The following TRAPPC13 variants were observed in gnomAD, a reference collection of about 807,000 sequenced individuals.
TRAPPC13 encodes the protein trafficking protein particle complex subunit 13.
Under a neutral mutation model 54.0 loss-of-function variants are expected in TRAPPC13, and 39 were observed. The ratio of observed to expected loss-of-function variants is 0.72; its 90% CI spans 0.56 to 0.94. TRAPPC13 has a LOEUF of 0.94. Ranked by LOEUF, TRAPPC13 falls within the 40% of genes least tolerant of loss-of-function variation. TRAPPC13 has a pLI of 0.00. For missense variants in TRAPPC13, 386 were observed against 488.1 expected, an observed-to-expected ratio of 0.79 and a Z score of 1.97; for synonymous variants, 148 against 167.7, an observed-to-expected ratio of 0.88 and a Z score of 0.91.
intron 1 of TRAPPC13, among the ~76,000 whole-genome samples, chr5:65,632,998 C>T (rs1755604559): frequency 6.6e-6 from 1 of 152,100 alleles, no homozygotes; most frequent in African/African-American, 2.4e-5. Context: ...ACATAAGAGC[C>T]TAGACCTCAT....
At chr5:65,637,017 T>G (rs1214509209) in intron 3 of TRAPPC13, among the ~76,000 whole-genome samples, 2 of 152,196 alleles carry the variant, frequency 1.3e-5, no homozygotes, top group Non-Finnish European at 2.9e-5. Flanking sequence ...GTAACTTAGA[T>G]CTCTTCTAGA....
At chr5:65,629,435 C>T in intron 1 of TRAPPC13, 1 of 1,354,904 alleles carries the variant, frequency 7.4e-7, no homozygotes, top group Non-Finnish European at 9.5e-7. Context: ...GTATCCCTAC[C>T]ATATCTTATT....
chr5:65,642,809 T>C (rs1756019108), intron 4 of TRAPPC13, among the ~76,000 whole-genome samples: 1 of 152,174 alleles, frequency 6.6e-6, no homozygotes, highest in South Asian at 2.1e-4. Context: ...TGCAGTTGCA[T>C]ACCACCACAC....
intron 7 of TRAPPC13, 36 bp downstream of exon 7, chr5:65,652,581 A>G (rs762892564): frequency 2.0e-6 from 3 of 1,478,522 alleles, no homozygotes; most frequent in Non-Finnish European, 2.8e-6. Flanking sequence ...TTCATATTAA[A>G]CATTAAGATC....
chr5:65,625,738 A>C (rs1391303533), intron 1 of TRAPPC13, among the ~76,000 whole-genome samples: 1 of 151,950 alleles, frequency 6.6e-6, no homozygotes, highest in Non-Finnish European at 1.5e-5. Context: ...CAATTTTTTT[A>C]ATGCCTATTT....
chr5:65,643,521 T>C (rs566399227), intron 4 of TRAPPC13, among the ~76,000 whole-genome samples: 10 of 152,222 alleles, frequency 6.6e-5, no homozygotes, highest in African/African-American at 1.9e-4. Context: ...TTTTGCTTTA[T>C]AAAGACTGCT....
chr5:65,636,280 AT>A (rs1755747351), intron 3 of TRAPPC13, among the ~76,000 whole-genome samples: 1 of 151,650 alleles, frequency 6.6e-6, no homozygotes, highest in East Asian at 1.9e-4. Context: ...AGTAGCTGGG[AT>A]TACAGGCGTG....
At chr5:65,634,233 C>T (rs1419641504) in intron 1 of TRAPPC13, among the ~76,000 whole-genome samples, 1 of 152,126 alleles carries the variant, frequency 6.6e-6, no homozygotes, top group Non-Finnish European at 1.5e-5. Flanking sequence ...GATCCGCCCG[C>T]CTTGGCCTCC....
chr5:65,659,199 A>G (rs980681345), intron 9 of TRAPPC13, among the ~76,000 whole-genome samples: 1 of 152,174 alleles, frequency 6.6e-6, no homozygotes, highest in African/African-American at 2.4e-5. Context: ...CCCAGGCTGA[A>G]GTCAAATTTC....
chr5:65,655,538 T>TA, intron 7 of TRAPPC13, 98 bp from the exon 8 acceptor site: 2 of 381,824 alleles, frequency 5.2e-6, no homozygotes, highest in South Asian at 9.7e-5. Context: ...TTTAGTAATT[T>TA]AAAAAAATGC....
chr5:65,659,988 A>AAAGAAG (rs71610507), intron 9 of TRAPPC13, among the ~76,000 whole-genome samples: 10 of 139,204 alleles, frequency 7.2e-5, no homozygotes, highest in African/African-American at 2.0e-4. Flanking sequence ...AAAAAAAAAA[A>AAAGAAG]AAGAAGAAGA....
intron 1 of TRAPPC13, chr5:65,630,565 T>G: frequency 8.4e-7 from 1 of 1,197,516 alleles, no homozygotes; most frequent in East Asian, 3.8e-5. Context: ...TCTGTTCCTT[T>G]TGTTACAAAC....
intron 9 of TRAPPC13, among the ~76,000 whole-genome samples, chr5:65,659,043 A>T (rs775274177): frequency 3.9e-5 from 6 of 152,154 alleles, no homozygotes; most frequent in Non-Finnish European, 7.3e-5. Context: ...AATGTGGTAC[A>T]TTTACTACAA....
intron 11 of TRAPPC13, 42 bp from the exon 12 acceptor site, chr5:65,664,195 A>G: frequency 1.3e-6 from 2 of 1,579,638 alleles, no homozygotes; most frequent in Non-Finnish European, 1.7e-6. Flanking sequence ...CTCTTTGTGA[A>G]ATGAACAAGA....
chr5:65,642,494 G>T (rs985623279), intron 4 of TRAPPC13, among the ~76,000 whole-genome samples: 5 of 151,756 alleles, frequency 3.3e-5, no homozygotes, highest in Non-Finnish European at 7.4e-5. Context: ...TTTAAGTTGT[G>T]CTTCTATTTC....
chr5:65,646,602 A>G (rs1401535286), intron 4 of TRAPPC13, among the ~76,000 whole-genome samples: 1 of 152,004 alleles, frequency 6.6e-6, no homozygotes, highest in Non-Finnish European at 1.5e-5. Context: ...TTGTCCTAGT[A>G]TACACATAAA....
intron 1 of TRAPPC13, chr5:65,629,689 G>A (rs1285157985): frequency 9.1e-6 from 14 of 1,535,990 alleles, no homozygotes; most frequent in East Asian, 4.9e-5. Context: ...CTACTCGTCC[G>A]CTATCAAGAT....
In TRAPPC13 at chr5:65,666,003, T is replaced by C. The variant is rs920803389; in HGVS notation, c.*1392T>C. 3 of 152,552 alleles carry C rather than the reference T, an allele frequency of 2.0e-5. No homozygotes were observed. The highest frequency in any genetic ancestry group is 2.9e-5 in the Non-Finnish European group (2 of 67,978). The allele number at this position is 152,552 out of a possible 1,614,324, so 9.4% of individuals were successfully genotyped here. A position where few individuals can be genotyped will look rare whatever the true frequency, so the allele number is the denominator to read the frequency against. ...AAAATGAAAGCTATATTCAGAAGGTTTGCACCTCAAAATTGAGTAATAATT... is the reference window on the plus strand; with the variant it reads ...AAAATGAAAGCTATATTCAGAAGGTCTGCACCTCAAAATTGAGTAATAATT... On this transcript the variant is annotated 3_prime_UTR_variant, in exon 13 of 13. Transcript: ENST00000399438.
chr5:65,635,721 T>A (rs1755721561), intron 2 of TRAPPC13, among the ~76,000 whole-genome samples: 1 of 152,170 alleles, frequency 6.6e-6, no homozygotes, highest in Non-Finnish European at 1.5e-5. Context: ...ATATTTTCTA[T>A]CTCATGACGT....
Sources: gnomAD v4.1 joint callset for allele counts (sites outside exome capture counted in the v4.1 genomes callset) on GRCh38, gnomAD v4.1.1 for gene constraint, MANE v1.5 for transcripts, NCBI Gene and HGNC (gene_info 2026-07-23, HGNC 2026-07-21) for gene names.